Variants in PDE3B observed in about 807,000 individuals in gnomAD.
PDE3B encodes the protein cGMP-inhibited 3',5'-cyclic phosphodiesterase 3B.
In PDE3B, 66 loss-of-function variants were observed where a neutral mutation model predicts 116.8. The ratio of observed to expected loss-of-function variants is 0.56; its 90% confidence interval spans 0.46 to 0.69. PDE3B has a LOEUF of 0.69. PDE3B is among the 30% of genes least tolerant of loss of function. The pLI, the probability that PDE3B is intolerant of heterozygous loss-of-function variation, is 0.00. For synonymous variants in PDE3B, 595 were observed against 533.6 expected (o/e 1.12, Z -1.59); for missense variants, 1,384 against 1,368.1 (o/e 1.01, Z -0.18).
intron 2 of PDE3B, among the ~76,000 whole-genome samples, chr11:14,779,852 C>T (rs1340497658): frequency 6.6e-6 from 1 of 152,024 alleles, no homozygotes; most frequent in African/African-American, 2.4e-5. Context: ...TTAAATGCTC[C>T]AATTAAAAGA....
intron 1 of PDE3B, among the ~76,000 whole-genome samples, chr11:14,721,056 A>G (rs1470722025): frequency 7.1e-6 from 1 of 140,156 alleles, no homozygotes; most frequent in Admixed American, 7.2e-5. Context: ...AGAATCTACA[A>G]TGAACTCAAA....
chr11:14,809,161 A>G (rs980325674), intron 5 of PDE3B, among the ~76,000 whole-genome samples: 3 of 152,220 alleles, frequency 2.0e-5, no homozygotes, highest in Non-Finnish European at 4.4e-5. Context: ...TTTCTATTCA[A>G]TGAAATTCAA....
At chr11:14,766,098 A>G (rs1590126471) in intron 1 of PDE3B, among the ~76,000 whole-genome samples, 2 of 151,684 alleles carry the variant, frequency 1.3e-5, no homozygotes, top group Admixed American at 1.3e-4. Flanking sequence ...GTAAATGTAT[A>G]AAAAAGAATT....
chr11:14,805,263 A>G (rs12419657), intron 5 of PDE3B, among the ~76,000 whole-genome samples: 20,085 of 152,162 alleles, frequency 0.13, 1,520 homozygotes, highest in African/African-American at 0.2. Flanking sequence ...TTTATTTTTC[A>G]AGGAACAACA....
At chr11:14,849,755 C>T (rs1270125726) in intron 12 of PDE3B, among the ~76,000 whole-genome samples, 2 of 152,170 alleles carry the variant, frequency 1.3e-5, no homozygotes, top group Non-Finnish European at 2.9e-5. Flanking sequence ...CATCACTGGC[C>T]ATCCGAGAAA....
At chr11:14,651,554 C>G (rs1029688993) in intron 1 of PDE3B, among the ~76,000 whole-genome samples, 1 of 151,984 alleles carries the variant, frequency 6.6e-6, no homozygotes, top group African/African-American at 2.4e-5. Flanking sequence ...TAAGAATGCC[C>G]CTGGATCCAC....
At chr11:14,859,846 C>T (rs1221006155) in intron 13 of PDE3B, among the ~76,000 whole-genome samples, 1 of 152,176 alleles carries the variant, frequency 6.6e-6, no homozygotes, top group African/African-American at 2.4e-5. Context: ...AGAATCACTG[C>T]CCCAGTATGA....
At chr11:14,866,151 TTC>T (rs1425148218) in intron 14 of PDE3B, among the ~76,000 whole-genome samples, 11 of 152,182 alleles carry the variant, frequency 7.2e-5, no homozygotes, top group Non-Finnish European at 1.5e-4. Context: ...TTAGAATAGT[TTC>T]TGATACATAA....
chr11:14,838,623 A>T (rs971811481), intron 11 of PDE3B, among the ~76,000 whole-genome samples: 1 of 152,206 alleles, frequency 6.6e-6, no homozygotes, highest in African/African-American at 2.4e-5. Flanking sequence ...ATCCAACTCC[A>T]CTGTCACTCA....
At chr11:14,827,441 T>C (rs186048213) in intron 7 of PDE3B, among the ~76,000 whole-genome samples, 1 of 152,270 alleles carries the variant, frequency 6.6e-6, no homozygotes, top group Admixed American at 6.5e-5. Flanking sequence ...CGAAAGCTCC[T>C]TAAGCTAATA....
At chr11:14,863,490 G>A (rs1172411044) in intron 14 of PDE3B, among the ~76,000 whole-genome samples, 3 of 152,028 alleles carry the variant, frequency 2.0e-5, no homozygotes, top group Non-Finnish European at 2.9e-5. Flanking sequence ...AATGTCCCAC[G>A]ATGCATAATC....
intron 10 of PDE3B, among the ~76,000 whole-genome samples, chr11:14,833,909 AAG>A (rs1179644440): frequency 6.6e-6 from 1 of 152,218 alleles, no homozygotes; most frequent in Non-Finnish European, 1.5e-5. Context: ...AACGAAAAGA[AAG>A]AGGTGGTAAG....
At chr11:14,662,651 C>T (rs987141745) in intron 1 of PDE3B, among the ~76,000 whole-genome samples, 18 of 152,150 alleles carry the variant, frequency 1.2e-4, no homozygotes, top group African/African-American at 1.9e-4. Flanking sequence ...TCGAGAACTA[C>T]GTGAAGAATG....
chr11:14,721,135 AAAAG>A (rs1168540387), intron 1 of PDE3B, among the ~76,000 whole-genome samples: 2 of 151,116 alleles, frequency 1.3e-5, no homozygotes, highest in Non-Finnish European at 3.0e-5. Context: ...GACACTTCTC[AAAAG>A]AAGACATTTA....
chr11:14,812,965 C>G (rs184628126), intron 5 of PDE3B, among the ~76,000 whole-genome samples: 1 of 152,254 alleles, frequency 6.6e-6, no homozygotes, highest in African/African-American at 2.4e-5. Context: ...AAAGAGACCT[C>G]AAAGAGCTCT....
intron 4 of PDE3B, among the ~76,000 whole-genome samples, chr11:14,799,659 A>G (rs1858681642): frequency 6.7e-6 from 1 of 148,396 alleles, no homozygotes; most frequent in South Asian, 2.1e-4. Context: ...GCTCTTTTGC[A>G]TTTATCCGTT....
intron 1 of PDE3B, among the ~76,000 whole-genome samples, chr11:14,690,735 A>G (rs544055855): frequency 1.3e-5 from 2 of 151,310 alleles, no homozygotes; most frequent in East Asian, 1.9e-4. Flanking sequence ...GAGAATATGT[A>G]CTCTTTTAAA....
In PDE3B at chr11:14,872,025, A is replaced by G. The variant is rs1555009174; in HGVS notation, c.*2365A>G. 1 of 152,190 alleles carries G rather than the reference A, an allele frequency of 6.6e-6. No individual in the cohort carries two copies. The highest frequency in any genetic ancestry group is 2.4e-5 in the African/African-American group (1 of 41,452). The allele number at this position is 152,190 out of a possible 1,614,324, so 9.4% of individuals were successfully genotyped here. Reference sequence around the variant, plus strand: ...TACCTACTGACACATTTTTCTCCATAAAAGTACTTTTAAAAATTACTTCAT... The same window carrying G: ...TACCTACTGACACATTTTTCTCCATGAAAGTACTTTTAAAAATTACTTCAT... On this transcript the variant is annotated 3_prime_UTR_variant, in exon 16 of 16. Coordinates refer to ENST00000282096, the MANE Select transcript of PDE3B (RefSeq NM_000922.4).
intron 1 of PDE3B, among the ~76,000 whole-genome samples, chr11:14,693,518 CCTAGGG>C (rs1855110197): frequency 6.6e-6 from 1 of 152,152 alleles, no homozygotes; most frequent in Non-Finnish European, 1.5e-5. Flanking sequence ...TTCTGAAAAT[CCTAGGG>C]CCCTTAAGAA....
Sources: allele counts gnomAD v4.1 joint callset (sites outside exome capture counted in the v4.1 genomes callset), GRCh38; gene constraint gnomAD v4.1.1; transcripts MANE v1.5; gene names NCBI Gene and HGNC (gene_info 2026-07-23, HGNC 2026-07-21).